Variants in RGS7 observed in about 807,000 individuals in gnomAD.
The protein encoded by RGS7 is regulator of G-protein signaling 7.
Under a neutral mutation model 81.1 loss-of-function variants are expected in RGS7, and 27 were observed. That is an observed-to-expected ratio of 0.33 (90% CI 0.25 to 0.46). The LOEUF (loss-of-function observed/expected upper bound fraction) is 0.46. RGS7 is among the 20% of genes least tolerant of loss of function. RGS7 has a pLI of 1.00. For missense variants in RGS7, 396 were observed against 607.4 expected (o/e 0.65, Z 3.66); for synonymous variants, 208 against 207.7 (o/e 1.00, Z -0.01).
At chr1:241,191,483 CTCTT>C (rs2072648904) in intron 2 of RGS7, among the ~76,000 whole-genome samples, 1 of 152,072 alleles carries the variant, frequency 6.6e-6, no homozygotes, top group Non-Finnish European at 1.5e-5. Flanking sequence ...TGATGTATAA[CTCTT>C]TATATGTTGC....
At chr1:241,334,625 A>G (rs1282816572) in intron 2 of RGS7, among the ~76,000 whole-genome samples, 1 of 152,144 alleles carries the variant, frequency 6.6e-6, no homozygotes, top group Non-Finnish European at 1.5e-5. Flanking sequence ...CTCCTCCAAA[A>G]CAGTAGTAAC....
At chr1:240,834,421 G>A (rs937091625) in intron 9 of RGS7, among the ~76,000 whole-genome samples, 2 of 152,248 alleles carry the variant, frequency 1.3e-5, no homozygotes, top group African/African-American at 4.8e-5. Context: ...GCCTGAAGCT[G>A]TGGAAAGTGG....
intron 2 of RGS7, among the ~76,000 whole-genome samples, chr1:241,109,426 A>AT (rs1171780719): frequency 2.6e-5 from 4 of 151,782 alleles, no homozygotes; most frequent in African/African-American, 9.7e-5. Context: ...TTTAGTTTAA[A>AT]TTTTTTTTAC....
intron 2 of RGS7, among the ~76,000 whole-genome samples, chr1:241,226,502 C>T (rs1361141458): frequency 6.6e-6 from 1 of 152,162 alleles, no homozygotes; most frequent in Non-Finnish European, 1.5e-5. Flanking sequence ...TTTCTGAGCA[C>T]CTGTTAGCAG....
chr1:240,849,806 G>C (rs530352045), intron 9 of RGS7, among the ~76,000 whole-genome samples: 7 of 152,220 alleles, frequency 4.6e-5, no homozygotes, highest in Non-Finnish European at 1.0e-4. Flanking sequence ...ACAGCCTGTA[G>C]AACGATGAGC....
At chr1:241,139,474 G>A (rs969442084) in intron 2 of RGS7, among the ~76,000 whole-genome samples, 2 of 152,154 alleles carry the variant, frequency 1.3e-5, no homozygotes, top group African/African-American at 2.4e-5. Flanking sequence ...GCTATTCTTT[G>A]GATAGAAATA....
intron 6 of RGS7, among the ~76,000 whole-genome samples, chr1:240,875,929 C>T (rs1665332175): frequency 1.3e-5 from 2 of 152,278 alleles, no homozygotes; most frequent in Middle Eastern, 3.4e-3. Context: ...TCTAGCTTGC[C>T]ACTCTCTAGA....
At chr1:241,166,305 G>A (rs564980842) in intron 2 of RGS7, among the ~76,000 whole-genome samples, 53 of 152,320 alleles carry the variant, frequency 3.5e-4, no homozygotes, top group Admixed American at 2.0e-3. Flanking sequence ...AGAAGTCAGC[G>A]TATGCAAAGA....
intron 2 of RGS7, among the ~76,000 whole-genome samples, chr1:241,207,494 A>C (rs748939151): frequency 6.6e-6 from 1 of 152,064 alleles, no homozygotes; most frequent in East Asian, 1.9e-4. Flanking sequence ...TATGAGACAG[A>C]CAAGACTACT....
intron 6 of RGS7, among the ~76,000 whole-genome samples, chr1:240,922,475 T>A (rs1572779696): frequency 6.6e-6 from 1 of 152,120 alleles, no homozygotes. Context: ...ACGTATCTGA[T>A]AAAGCACTGG....
At chr1:240,782,518 G>A (rs1440314596) in intron 18 of RGS7, among the ~76,000 whole-genome samples, 1 of 152,132 alleles carries the variant, frequency 6.6e-6, no homozygotes, top group Non-Finnish European at 1.5e-5. Flanking sequence ...GACCTCCCAG[G>A]CTCAAGCGAT....
At chr1:241,156,406 TGAGGC>T (rs2069150601) in intron 2 of RGS7, among the ~76,000 whole-genome samples, 1 of 151,594 alleles carries the variant, frequency 6.6e-6, no homozygotes, top group Admixed American at 6.6e-5. Flanking sequence ...CTAGGAAGGC[TGAGGC>T]AAGAGGATCA....
intron 2 of RGS7, among the ~76,000 whole-genome samples, chr1:241,183,316 A>G (rs1442788572): frequency 6.6e-6 from 1 of 152,210 alleles, no homozygotes; most frequent in Non-Finnish European, 1.5e-5. Context: ...ATGGCACTCA[A>G]TTCCCACTAT....
At position 240,802,981 on chromosome 1, in the gene RGS7, T is replaced by G. The variant is rs1688258653; in HGVS notation, c.1282A>C (p.Lys428Gln). The change falls in exon 16 of 19, where the codon AAA (lysine) becomes CAA (glutamine). Residue 428 changes from lysine to glutamine, a missense_variant. Coordinates refer to ENST00000440928, the MANE Select transcript of RGS7 (RefSeq NM_001364886.1). ...GGGTATGAATCACTTTTCATCAGTTTGTAAATGTGCTCCTAAAAAGAAATA... is the reference window on the plus strand; with the variant it reads ...GGGTATGAATCACTTTTCATCAGTTGGTAAATGTGCTCCTAAAAAGAAATA... The part of the protein sequence containing the change: ...TFEDAQEHIY[K>Q]LMKSDSYPRF... 4.4e-6 allele frequency: 7 copies of G among 1,607,544 alleles called. No individual in the cohort carries two copies. Among genetic ancestry groups the G allele is most frequent in the Non-Finnish European group, 6.0e-6 (7 of 1,174,172 alleles).
intron 3 of RGS7, among the ~76,000 whole-genome samples, chr1:241,009,127 C>T (rs573336622): frequency 2.8e-4 from 42 of 152,138 alleles, no homozygotes; most frequent in African/African-American, 9.4e-4. Flanking sequence ...GATTAACTTC[C>T]CTTTTACTTC....
At chr1:241,042,206 T>C (rs2060661409) in intron 3 of RGS7, among the ~76,000 whole-genome samples, 1 of 152,194 alleles carries the variant, frequency 6.6e-6, no homozygotes, top group Non-Finnish European at 1.5e-5. Context: ...AATCTATGCA[T>C]GTAGTTTGTT....
At chr1:240,842,129 A>G (rs943315000) in intron 9 of RGS7, among the ~76,000 whole-genome samples, 1 of 151,722 alleles carries the variant, frequency 6.6e-6, no homozygotes, top group African/African-American at 2.4e-5. Flanking sequence ...GTATAATTTG[A>G]CATCAATAAA....
chr1:241,301,661 A>T (rs1039196491), intron 2 of RGS7, among the ~76,000 whole-genome samples: 5 of 152,256 alleles, frequency 3.3e-5, no homozygotes, highest in African/African-American at 7.2e-5. Flanking sequence ...AAATAATGGC[A>T]AAGTTATTTT....
At chr1:240,811,365 A>T (rs1331965567) in intron 14 of RGS7, among the ~76,000 whole-genome samples, 1 of 152,244 alleles carries the variant, frequency 6.6e-6, no homozygotes, top group Non-Finnish European at 1.5e-5. Context: ...TGTTTACAAC[A>T]GATGGGCAGA....
Sources: gnomAD v4.1 joint callset for allele counts (sites outside exome capture counted in the v4.1 genomes callset) on GRCh38, gnomAD v4.1.1 for gene constraint, MANE v1.5 for transcripts, NCBI Gene and HGNC (gene_info 2026-07-23, HGNC 2026-07-21) for gene names.